Variants in CPVL observed in about 807,000 individuals in gnomAD.
CPVL encodes probable serine carboxypeptidase CPVL.
CPVL carries 51 observed loss-of-function variants against 63.7 expected under a neutral mutation model. The ratio of observed to expected loss-of-function variants is 0.80; its 90% CI spans 0.64 to 1.01. The LOEUF (loss-of-function observed/expected upper bound fraction) is 1.01. Ranked by LOEUF, CPVL falls within the 50% of genes least tolerant of loss-of-function variation. CPVL has a pLI of 0.00. For synonymous variants in CPVL, 195 were observed against 206.0 expected (o/e 0.95, Z 0.46); for missense variants, 530 against 573.1 (o/e 0.92, Z 0.77).
chr7:29,139,115 G>A (rs969446168), intron 1 of CPVL, among the ~76,000 whole-genome samples: 8 of 152,190 alleles, frequency 5.3e-5, no homozygotes, highest in African/African-American at 9.7e-5. Flanking sequence ...AAGCCAGACC[G>A]TAGAGGATGG....
intron 5 of CPVL, among the ~76,000 whole-genome samples, chr7:29,163,050 T>G (rs955221092): frequency 7.2e-5 from 11 of 152,358 alleles, no homozygotes; most frequent in African/African-American, 2.6e-4. Flanking sequence ...ACTATAGTTA[T>G]GTAAAACGTT....
chr7:29,003,175 CACACACACACACAG>C lies in CPVL; in HGVS notation c.1321-7307_1321-7294del, dbSNP rs1210147292. ...ATGTGCACACACACACACACACACACACACACACACACAGAGAGAATAGCATTTTGCTAAAAGCA... is the reference window on the plus strand; with the variant it reads ...ATGTGCACACACACACACACACACACAGAGAATAGCATTTTGCTAAAAGCA... On this transcript the variant is annotated intron_variant, in intron 12 of 12. Transcript: ENST00000265394. 2.1e-3 allele frequency among the ~76,000 whole-genome samples: 187 copies of C among 87,114 alleles called. 2 individuals carry two copies. Among genetic ancestry groups the C allele is most frequent in the African/African-American group, 8.7e-3 (163 of 18,820 alleles). The allele number at this position is 87,114 out of a possible 152,430, so 57.2% of individuals were successfully genotyped here.
intron 1 of CPVL, among the ~76,000 whole-genome samples, chr7:29,135,068 C>T (rs970245473): frequency 4.1e-5 from 6 of 146,808 alleles, no homozygotes; most frequent in Admixed American, 2.1e-4. Flanking sequence ...CGCACCACTG[C>T]ACTCCAGCCT....
At chr7:29,122,844 AT>A (rs1015253359) in intron 1 of CPVL, among the ~76,000 whole-genome samples, 3 of 151,920 alleles carry the variant, frequency 2.0e-5, no homozygotes, top group African/African-American at 4.8e-5. Context: ...CTAGTCTTGA[AT>A]TTTTTTTGAC....
At chr7:29,072,536 C>T (rs1314342665) in intron 7 of CPVL, 113 bp from the exon 8 acceptor site, 7 of 1,188,782 alleles carry the variant, frequency 5.9e-6, no homozygotes, top group African/African-American at 1.5e-5. Context: ...ATGAGGTATA[C>T]CATCTGTTTC....
chr7:29,150,061 C>A (rs1314092270), upstream of CPVL, among the ~76,000 whole-genome samples: 4 of 152,194 alleles, frequency 2.6e-5, no homozygotes, highest in African/African-American at 9.7e-5. Flanking sequence ...GTTAAGCCTT[C>A]TTTGATTGGC....
intron 3 of CPVL, among the ~76,000 whole-genome samples, chr7:29,098,265 A>G (rs1432282564): frequency 6.6e-6 from 1 of 152,294 alleles, no homozygotes; most frequent in Middle Eastern, 3.4e-3. Flanking sequence ...ACCTGCAGGA[A>G]GAGCTGAGCA....
At chr7:28,998,970 C>T (rs1784350019) in intron 12 of CPVL, among the ~76,000 whole-genome samples, 1 of 151,890 alleles carries the variant, frequency 6.6e-6, no homozygotes, top group Admixed American at 6.6e-5. Flanking sequence ...CTTTGGGAGG[C>T]TGAGGTGGGC....
At chr7:29,077,240 G>A (rs1784326959) in intron 7 of CPVL, among the ~76,000 whole-genome samples, 1 of 152,002 alleles carries the variant, frequency 6.6e-6, no homozygotes, top group South Asian at 2.1e-4. Context: ...TTTCACATAT[G>A]GTAGCAGTTA....
rs192665533 is a variant in CPVL, at chr7:29,124,772, T to C, written c.-10-3701A>G. ...TATTAGATTGGATATATGGTTTTTT[T>C]CCTTATTTAATACTTCTTAATAATT... On this transcript the variant is annotated intron_variant, in intron 1 of 12. Transcript: ENST00000265394. 2.0e-5 allele frequency among the ~76,000 whole-genome samples: 3 copies of C among 152,252 alleles called. No homozygotes were observed. The East Asian group carries it at 5.8e-4, about 29-fold the overall frequency.
rs1038678812 is a variant in CPVL, at chr7:29,086,566, C to T, written c.543-16G>A. 2.6e-6 allele frequency: 4 copies of T among 1,543,032 alleles called. No individual in the cohort carries two copies. Among genetic ancestry groups the T allele is most frequent in the Admixed American group, 1.7e-5 (1 of 59,682 alleles). On this transcript the variant is annotated splice_polypyrimidine_tract_variant and intron_variant, in intron 6 of 12. Transcript: ENST00000265394. ...AATTAGTGCACTGCAAAAAGAAGAA[C>T]AAGAACAACACAAATTAATCAGAAA...
intron 4 of CPVL, among the ~76,000 whole-genome samples, chr7:29,182,849 C>T (rs1798228674): frequency 6.6e-6 from 1 of 152,102 alleles, no homozygotes; most frequent in Admixed American, 6.6e-5. Flanking sequence ...TGTGTTAATC[C>T]CGTTTTTGCC....
chr7:29,050,872 CA>C (rs1790085428), intron 11 of CPVL, among the ~76,000 whole-genome samples: 1 of 151,382 alleles, frequency 6.6e-6, no homozygotes, highest in Admixed American at 6.6e-5. Flanking sequence ...CCACAGTCAC[CA>C]AAACAGCGTG....
In CPVL at chr7:29,115,574, C is replaced by T. The variant is rs540842447; in HGVS notation, c.170-2752G>A. Among the ~76,000 whole-genome samples the T allele has an allele frequency of 2.7e-4, 41 of 151,992 alleles. No homozygotes were observed. In the South Asian group the frequency reaches 8.1e-3, roughly 30 times the overall value. Reference sequence around the variant, plus strand: ...CCAGGGCTGGGCAGCCTTTAAAATGCTTTTGAAATATTTTTAGCAAAACTA... The same window carrying T: ...CCAGGGCTGGGCAGCCTTTAAAATGTTTTTGAAATATTTTTAGCAAAACTA... On this transcript the variant is annotated intron_variant, in intron 2 of 12. Transcript: ENST00000265394.
chr7:29,115,767 G>A (rs1245717819), intron 2 of CPVL, among the ~76,000 whole-genome samples: 1 of 151,900 alleles, frequency 6.6e-6, no homozygotes, highest in Non-Finnish European at 1.5e-5. Context: ...AAAGGTCAAA[G>A]TATAATGAGA....
At chr7:29,064,822 G>A (rs974695418) in intron 10 of CPVL, among the ~76,000 whole-genome samples, 1 of 151,834 alleles carries the variant, frequency 6.6e-6, no homozygotes, top group Non-Finnish European at 1.5e-5. Flanking sequence ...AGTCCCCGGT[G>A]TGTGATGTTC....
chr7:29,089,654 T>C (rs1785569722), intron 6 of CPVL, among the ~76,000 whole-genome samples: 1 of 152,050 alleles, frequency 6.6e-6, no homozygotes, highest in South Asian at 2.1e-4. Flanking sequence ...ACCCAAAGAC[T>C]CAAAAGCTAC....
At chr7:29,162,207 A>G (rs887115654) in intron 5 of CPVL, among the ~76,000 whole-genome samples, 2 of 152,226 alleles carry the variant, frequency 1.3e-5, no homozygotes, top group Non-Finnish European at 2.9e-5. Flanking sequence ...TATTCACACA[A>G]AAACTGTTCA....
At chr7:29,142,718 G>T (rs531061720) in intron 1 of CPVL, among the ~76,000 whole-genome samples, 2 of 151,932 alleles carry the variant, frequency 1.3e-5, no homozygotes, top group East Asian at 3.9e-4. Context: ...TAGACACAGG[G>T]TTTCACCATG....
Sources: allele counts gnomAD v4.1 joint callset (sites outside exome capture counted in the v4.1 genomes callset), GRCh38; gene constraint gnomAD v4.1.1; transcripts MANE v1.5; gene names NCBI Gene and HGNC (gene_info 2026-07-23, HGNC 2026-07-21).